Variants in NTM observed in about 807,000 individuals in gnomAD.
The protein encoded by NTM is IgLON family member 2.
A neutral mutation model predicts 42.1 loss-of-function variants in NTM; 13 were observed. The ratio of observed to expected loss-of-function variants is 0.31; its 90% CI spans 0.20 to 0.49. The LOEUF is 0.49. NTM is among the 20% of genes least tolerant of loss of function. NTM has a pLI of 0.99. For synonymous variants in NTM, 187 were observed against 179.2 expected (o/e 1.04, Z -0.35); for missense variants, 373 against 452.8 (o/e 0.82, Z 1.60).
chr11:132,333,351 T>C (rs1246969442), intron 8 of NTM, among the ~76,000 whole-genome samples: 1 of 152,082 alleles, frequency 6.6e-6, no homozygotes, highest in African/African-American at 2.4e-5. Context: ...ACATAGTCTC[T>C]CACCCTTGAA....
At chr11:131,778,019 G>T (rs991491232) in intron 1 of NTM, among the ~76,000 whole-genome samples, 1 of 152,194 alleles carries the variant, frequency 6.6e-6, no homozygotes, top group Non-Finnish European at 1.5e-5. Flanking sequence ...ATCCAGAAGT[G>T]AGCAAGTGTT....
chr11:132,297,841 G>A (rs1375080347), intron 4 of NTM, among the ~76,000 whole-genome samples: 3 of 152,092 alleles, frequency 2.0e-5, no homozygotes, highest in African/African-American at 7.2e-5. Context: ...TCAGAGAGCT[G>A]TAGAATCTCT....
Position 131,520,780 on chromosome 11 carries a change from C to T in NTM, c.82+149892C>T, listed in dbSNP as rs180911057. ...AAAAAAAAAAATCTCCAAAACCTAC[C>T]TACTCAGCATTCTTTTTTTCAAGTA... On this transcript the variant is annotated intron_variant, in intron 1 of 8. Coordinates refer to ENST00000683400, the MANE Select transcript of NTM (RefSeq NM_001352005.2). Among the ~76,000 whole-genome samples, 12 of 152,062 alleles carry T rather than the reference C, an allele frequency of 7.9e-5. No individual in the cohort carries two copies. The East Asian group carries it at 1.4e-3, about 17-fold the overall frequency.
Position 132,320,318 on chromosome 11 carries a change from C to T in NTM, c.934+5615C>T, listed in dbSNP as rs188597896. Among the ~76,000 whole-genome samples, 43 of 152,300 alleles carry T rather than the reference C, an allele frequency of 2.8e-4. No individual in the cohort carries two copies. In the South Asian group the frequency reaches 3.7e-3, roughly 13 times the overall value. On this transcript the variant is annotated intron_variant, in intron 7 of 8. Transcript: ENST00000683400. The stretch of plus-strand genomic sequence containing the variant: ...CAGTGGGTGCAGGTCAGTGGGTGCA[C>T]GCACCATGCGCGAGCCAAAGCAGGG...
chr11:132,185,336 CATA>C (rs1024756866), intron 3 of NTM, among the ~76,000 whole-genome samples: 11 of 152,176 alleles, frequency 7.2e-5, no homozygotes, highest in African/African-American at 2.4e-4. Context: ...TTATGTTCCC[CATA>C]ATGTGTGCCT....
intron 2 of NTM, among the ~76,000 whole-genome samples, chr11:132,067,487 G>T (rs990619572): frequency 6.6e-6 from 1 of 152,170 alleles, no homozygotes; most frequent in Non-Finnish European, 1.5e-5. Flanking sequence ...CCACCCCAAG[G>T]TAAAGTTTCT....
intron 1 of NTM, among the ~76,000 whole-genome samples, chr11:131,591,000 T>C (rs537967324): frequency 6.6e-6 from 1 of 152,310 alleles, no homozygotes; most frequent in African/African-American, 2.4e-5. Context: ...CCGGGTAACC[T>C]GAGGTGACAG....
At chr11:131,750,864 G>C (rs2082403635) in intron 1 of NTM, among the ~76,000 whole-genome samples, 1 of 152,046 alleles carries the variant, frequency 6.6e-6, no homozygotes, top group Non-Finnish European at 1.5e-5. Flanking sequence ...GAGCTCTGTG[G>C]TGTCCGGGGA....
intron 1 of NTM, chr11:131,910,763 C>T: frequency 3.3e-6 from 3 of 905,956 alleles, no homozygotes; most frequent in Non-Finnish European, 4.0e-6. Context: ...CGCCCGGCCT[C>T]TCCCTCCTCG....
intron 1 of NTM, among the ~76,000 whole-genome samples, chr11:131,375,212 A>T (rs1007582951): frequency 3.3e-5 from 5 of 152,142 alleles, no homozygotes; most frequent in Non-Finnish European, 5.9e-5. Flanking sequence ...CCACCTGCCC[A>T]CCAGGCCGGG....
chr11:131,432,839 C>CCTTTTTTTTTTTTTTT (rs1565494793), intron 1 of NTM, among the ~76,000 whole-genome samples: 6 of 68,692 alleles, frequency 8.7e-5, no homozygotes, highest in Non-Finnish European at 1.5e-4. Context: ...ATTTAGCATT[C>CCTTTTTTTTTTTTTTT]TTTTTTTTTT....
intron 1 of NTM, among the ~76,000 whole-genome samples, chr11:131,497,409 G>T (rs1955463888): frequency 6.6e-6 from 1 of 152,024 alleles, no homozygotes; most frequent in Non-Finnish European, 1.5e-5. Flanking sequence ...GGCTGGTCTT[G>T]AACTCCTGAC....
At chr11:131,653,140 C>G (rs554729921) in intron 1 of NTM, among the ~76,000 whole-genome samples, 1 of 152,250 alleles carries the variant, frequency 6.6e-6, no homozygotes, top group African/African-American at 2.4e-5. Context: ...ACAGAGCCAG[C>G]TCCAGAAAGG....
rs2095868488 is a variant in NTM at position 132,335,844 on chromosome 11, AACAAG to A, written c.*703_*707del. 1 of 152,564 alleles carries A rather than the reference AACAAG, an allele frequency of 6.6e-6. No individual in the cohort carries two copies. The highest frequency in any genetic ancestry group is 1.5e-5 in the Non-Finnish European group (1 of 68,034). 9.5% of individuals were successfully genotyped at this position (152,564 alleles called of 1,614,324 possible). A position where few individuals can be genotyped will look rare whatever the true frequency, so the allele number is the denominator to read the frequency against. On this transcript the variant is annotated 3_prime_UTR_variant, in exon 9 of 9. Transcript: ENST00000683400. ...ATATGAGTCTAGAACTTACTGCAAA[AACAAG>A]ACAAAACTAAAAAAATACAACTGAG... is the stretch of plus-strand genomic sequence containing the variant.
intron 2 of NTM, among the ~76,000 whole-genome samples, chr11:132,000,449 G>A (rs1407915236): frequency 1.3e-5 from 2 of 152,164 alleles, no homozygotes; most frequent in Admixed American, 6.5e-5. Flanking sequence ...TTTACCATAA[G>A]CATGTTCCCA....
intron 3 of NTM, among the ~76,000 whole-genome samples, chr11:132,207,723 T>C (rs1222522735): frequency 6.6e-6 from 1 of 152,206 alleles, no homozygotes; most frequent in Non-Finnish European, 1.5e-5. Flanking sequence ...TTATGTTGTC[T>C]CCTTTGCCTA....
chr11:131,498,513 CCTTCCTTTT>C (rs1213735742), intron 1 of NTM, among the ~76,000 whole-genome samples: 7 of 152,098 alleles, frequency 4.6e-5, no homozygotes, highest in Non-Finnish European at 1.0e-4. Context: ...TATGACCTTT[CCTTCCTTTT>C]CTTCCAAACA....
chr11:131,888,917 T>TA (rs1157724459), intron 1 of NTM, among the ~76,000 whole-genome samples: 3 of 151,484 alleles, frequency 2.0e-5, no homozygotes, highest in Non-Finnish European at 4.4e-5. Context: ...TATTTTTTTT[T>TA]TTTTTATTTT....
intron 2 of NTM, among the ~76,000 whole-genome samples, chr11:131,936,758 C>T (rs1458229417): frequency 2.0e-5 from 3 of 152,110 alleles, no homozygotes; most frequent in Non-Finnish European, 2.9e-5. Flanking sequence ...CACTATGATA[C>T]GTCAATGGAT....
Sources: gnomAD v4.1 joint callset for allele counts (sites outside exome capture counted in the v4.1 genomes callset) on GRCh38, gnomAD v4.1.1 for gene constraint, MANE v1.5 for transcripts, NCBI Gene and HGNC (gene_info 2026-07-23, HGNC 2026-07-21) for gene names.